The following SYNRG variants were observed in gnomAD, a reference collection of about 807,000 sequenced individuals.
SYNRG encodes AP1 gamma subunit binding protein 1.
A neutral mutation model predicts 130.9 loss-of-function variants in SYNRG; 37 were observed. That is an observed-to-expected ratio of 0.28 (90% CI 0.22 to 0.37). SYNRG has a LOEUF of 0.37. SYNRG is among the 10% of genes least tolerant of loss of function. The probability of loss-of-function intolerance (pLI) is 1.00; values close to 1 mark genes in which losing one functional copy is unlikely to be tolerated. For synonymous variants in SYNRG, 539 were observed against 568.1 expected, an observed-to-expected ratio of 0.95 and a Z score of 0.73; for missense variants, 1,338 against 1,588.9, an observed-to-expected ratio of 0.84 and a Z score of 2.68.
chr17:37,532,186 G>A (rs1208940503), intron 19 of SYNRG, among the ~76,000 whole-genome samples: 1 of 152,212 alleles, frequency 6.6e-6, no homozygotes, highest in Non-Finnish European at 1.5e-5. Context: ...CTGGCACTGT[G>A]CTCAGATAAA....
chr17:37,605,008 T>C (rs2063626262), intron 1 of SYNRG, among the ~76,000 whole-genome samples: 1 of 152,174 alleles, frequency 6.6e-6, no homozygotes, highest in African/African-American at 2.4e-5. Flanking sequence ...TGATCACAGA[T>C]CACCATAACA....
chr17:37,599,146 C>T (rs565642371), intron 2 of SYNRG, among the ~76,000 whole-genome samples: 155 of 152,254 alleles, frequency 1.0e-3, no homozygotes, highest in African/African-American at 3.6e-3. Context: ...AAATCTATGA[C>T]AACCAATCAA....
intron 10 of SYNRG, 149 bp downstream of exon 10, chr17:37,570,488 C>A: frequency 9.6e-7 from 1 of 1,036,952 alleles, no homozygotes; most frequent in Non-Finnish European, 1.3e-6. Context: ...ATTTTAATTT[C>A]AGGTTTAGCA....
chr17:37,595,630 CT>C (rs1386414201), intron 3 of SYNRG, among the ~76,000 whole-genome samples: 2 of 152,072 alleles, frequency 1.3e-5, no homozygotes, highest in African/African-American at 2.4e-5. Flanking sequence ...AACGTGCCCC[CT>C]GAATCTAAAA....
At chr17:37,567,402 G>C (rs1418460079) in intron 11 of SYNRG, 2 of 152,206 alleles carry the variant, frequency 1.3e-5, no homozygotes, top group South Asian at 2.1e-4. Context: ...AAACACTAAA[G>C]GTAATTTCAT....
At chr17:37,525,960 C>T (rs112410736) in intron 19 of SYNRG, among the ~76,000 whole-genome samples, 161 of 152,222 alleles carry the variant, frequency 1.1e-3, no homozygotes, top group African/African-American at 3.3e-3. Context: ...AGCGAGACTC[C>T]GTCTCAAAAA....
Position 37,561,603 on chromosome 17 carries a change from T to TA in SYNRG, c.1482-15dup. On this transcript the variant is annotated splice_polypyrimidine_tract_variant and intron_variant, in intron 11 of 21. Coordinates refer to ENST00000612223, the MANE Select transcript of SYNRG (RefSeq NM_007247.6). ...AAAGAAGGGGCACTGAAGGAAAAAA[T>TA]AAACATATTTTGATGACATTGAATC... 1 of 1,589,026 alleles carries TA rather than the reference T, an allele frequency of 6.3e-7. No individual in the cohort carries two copies. Among genetic ancestry groups the TA allele is most frequent in the Admixed American group, 1.7e-5 (1 of 59,872 alleles).
At chr17:37,569,279 A>G (rs2060231831) in intron 10 of SYNRG, among the ~76,000 whole-genome samples, 1 of 148,932 alleles carries the variant, frequency 6.7e-6, no homozygotes, top group Admixed American at 6.6e-5. Context: ...GCATGGTGGC[A>G]TGTGCCTGTA....
Position 37,609,312 on chromosome 17 carries a change from G to A in SYNRG, c.44C>T (p.Ala15Val), listed in dbSNP as rs1598738810. 6.8e-7 allele frequency: 1 copy of A among 1,463,700 alleles called. No individual in the cohort carries two copies. Among genetic ancestry groups the A allele is most frequent in the Non-Finnish European group, 9.0e-7 (1 of 1,113,760 alleles). 90.7% of individuals were successfully genotyped at this position (1,463,700 alleles called of 1,614,324 possible). A position where few individuals can be genotyped will look rare whatever the true frequency, so the allele number is the denominator to read the frequency against. ...CCCGGCGGACCCCGCGCCAGCTCCC[G>A]CGGCCCCGCCGCCACCAGAACCAGC... Reference protein sequence around the residue: ...PGAGSGGGGAAGAGAGSAGGG... With the variant: ...PGAGSGGGGAVGAGAGSAGGG... The change falls in exon 1 of 22, where the codon GCG becomes GTG. Residue 15 changes from alanine (A) to valine (V), a missense_variant. By Grantham distance (64) the Ala-to-Val change is moderately conservative. Around this residue, in one of 3 missense-constraint regions of SYNRG, gnomAD observed 184 missense variants for 217.2 expected, o/e 0.85. Transcript: ENST00000612223.
At chr17:37,547,680 C>A (rs574012752) in intron 14 of SYNRG, among the ~76,000 whole-genome samples, 482 of 152,288 alleles carry the variant, frequency 3.2e-3, no homozygotes, top group African/African-American at 0.011. Flanking sequence ...CCAGGCTGGT[C>A]TCCAACTCCT....
chr17:37,571,135 C>A (rs1674469757), intron 9 of SYNRG, among the ~76,000 whole-genome samples: 2 of 152,156 alleles, frequency 1.3e-5, no homozygotes, highest in South Asian at 2.1e-4. Flanking sequence ...TCTATATGAT[C>A]AAATCATTTA....
chr17:37,553,331 C>G lies in SYNRG; in HGVS notation c.2392G>C (p.Val798Leu). ...TCTTCTTTGGTGTGTCTGAAAGCCA[C>G]TGCTTTCTCTCCCAGGGATTTGTCC... is the stretch of plus-strand genomic sequence containing the variant. Reference protein sequence around the residue: ...NSDKSLGEKAVAFRHTKEDSA... With the variant: ...NSDKSLGEKALAFRHTKEDSA... Residue 798 changes from valine to leucine, a missense_variant, in exon 14 of 22, where the codon GTG becomes CTG. Physicochemically the swap from Val to Leu is conservative, Grantham distance 32 (BLOSUM62 1). Transcript: ENST00000612223. 6.2e-7 allele frequency: 1 copy of G among 1,614,230 alleles called. No individual in the cohort carries two copies. Among genetic ancestry groups the G allele is most frequent in the Non-Finnish European group, 8.5e-7 (1 of 1,180,046 alleles).
chr17:37,522,325 G>A (rs1369401517), intron 19 of SYNRG, among the ~76,000 whole-genome samples: 2 of 151,948 alleles, frequency 1.3e-5, no homozygotes, highest in Non-Finnish European at 2.9e-5. Flanking sequence ...ACCACGCCCA[G>A]CTAATTTTTT....
In SYNRG at chr17:37,586,494, G is replaced by A; in HGVS notation, c.296C>T (p.Ala99Val). The A allele has an allele frequency of 6.2e-7, 1 of 1,614,222 alleles. No individual in the cohort carries two copies. The highest frequency in any genetic ancestry group is 8.5e-7 in the Non-Finnish European group (1 of 1,180,050). ...TGGAGGACGCATGCCCAGGAAGGGT[G>A]CTTGTCCTAGGTAAGGCATTCCCGC... ...PAAGMPYLGQ[A>V]PFLGMRPPGP... The change falls in exon 4 of 22, where the codon GCA (alanine) becomes GTA (valine). Residue 99 changes from alanine to valine, a missense_variant. Physicochemically the swap from Ala to Val is moderately conservative, Grantham distance 64. This residue lies in a region of SYNRG where 184 missense variants were observed against 217.2 expected (regional missense o/e 0.85). Coordinates refer to ENST00000612223, the MANE Select transcript of SYNRG (RefSeq NM_007247.6).
chr17:37,529,710 AC>A (rs1030482572), intron 19 of SYNRG: 8 of 1,421,748 alleles, frequency 5.6e-6, no homozygotes, highest in Non-Finnish European at 7.7e-6. Context: ...CACAGCAGCA[AC>A]CCAGGAATCT....
chr17:37,520,142 A>C, intron 21 of SYNRG, 37 bp downstream of exon 21: 1 of 1,613,110 alleles, frequency 6.2e-7, no homozygotes. Context: ...TCAAAATTAA[A>C]ATGGAGACGC....
At position 37,570,607 on chromosome 17, in the gene SYNRG, A is replaced by G. The variant is rs763433507; in HGVS notation, c.1347+30T>C. 6 of 1,586,672 alleles carry G rather than the reference A, an allele frequency of 3.8e-6. No individual in the cohort carries two copies. The Admixed American group carries it at 1.1e-4, about 28-fold the overall frequency. ...GTGCCCAGATTCACTTTCAGTGATT[A>G]TCTGAAATATGCACAGCTTCGCCAT... On this transcript the variant is annotated intron_variant, in intron 10 of 21. Coordinates refer to ENST00000612223, the MANE Select transcript of SYNRG (RefSeq NM_007247.6).
At chr17:37,519,509 AAGAGAGTTAGAGAACG>A (rs769184163) in intron 21 of SYNRG, among the ~76,000 whole-genome samples, 60 of 152,162 alleles carry the variant, frequency 3.9e-4, no homozygotes, top group Admixed American at 7.2e-4. Context: ...AAAAAATTAC[AAGAGAGTTAGAGAACG>A]AGAGAGTTAG....
At chr17:37,602,776 C>A (rs1454182840) in intron 1 of SYNRG, among the ~76,000 whole-genome samples, 2 of 152,230 alleles carry the variant, frequency 1.3e-5, no homozygotes, top group African/African-American at 2.4e-5. Context: ...GTAATCCCAG[C>A]ACTTTGGGAG....
Sources: gnomAD v4.1 joint callset for allele counts (sites outside exome capture counted in the v4.1 genomes callset) on GRCh38, gnomAD v4.1.1 for gene constraint, gnomAD v4.1.1 regional missense constraint, MANE v1.5 for transcripts, NCBI Gene and HGNC (gene_info 2026-07-23, HGNC 2026-07-21) for gene names.